Variants in LPP observed in about 807,000 individuals in gnomAD.
LPP encodes LIM domain containing preferred translocation partner in lipoma, also known as lipoma-preferred partner.
LPP carries 38 observed loss-of-function variants against 60.4 expected under a neutral mutation model. That is an observed-to-expected ratio of 0.63 (90% CI 0.49 to 0.83). LPP has a LOEUF of 0.83. LPP is among the 40% of genes least tolerant of loss of function. The pLI is 0.00. For missense variants in LPP, 902 were observed against 783.6 expected, an observed-to-expected ratio of 1.15 and a Z score of -1.80; for synonymous variants, 328 against 290.8, an observed-to-expected ratio of 1.13 and a Z score of -1.30.
intron 3 of LPP, among the ~76,000 whole-genome samples, chr3:188,342,658 G>A (rs1483214258): frequency 6.6e-6 from 1 of 152,048 alleles, no homozygotes; most frequent in Non-Finnish European, 1.5e-5. Flanking sequence ...CTATGACCTC[G>A]AACTGCAACC....
chr3:188,795,396 C>T (rs913751007), intron 9 of LPP, among the ~76,000 whole-genome samples: 4 of 152,176 alleles, frequency 2.6e-5, no homozygotes, highest in African/African-American at 9.7e-5. Flanking sequence ...TTCAGAGACT[C>T]TGTCTTATTC....
chr3:188,874,498 C>G lies in LPP; in HGVS notation c.*19C>G. 2 of 1,611,032 alleles carry G rather than the reference C, an allele frequency of 1.2e-6. No homozygotes were observed. Among genetic ancestry groups the G allele is most frequent in the Non-Finnish European group, 1.7e-6 (2 of 1,177,734 alleles). Reference sequence around the variant, plus strand: ...CCTTTAGATTCAGTCACCTGTTCAGCCGGCACTGAGAAGAACGAACACAAG... The same window carrying G: ...CCTTTAGATTCAGTCACCTGTTCAGGCGGCACTGAGAAGAACGAACACAAG... On this transcript the variant is annotated 3_prime_UTR_variant, in exon 12 of 12. Coordinates refer to ENST00000617246, the MANE Select transcript of LPP (RefSeq NM_001375462.1).
rs1280635569 is a variant in LPP at position 188,866,353 on chromosome 3, A to G, written c.1564A>G (p.Ile522Val). The G allele has an allele frequency of 1.3e-6, 2 of 1,543,644 alleles. No individual in the cohort carries two copies. Among genetic ancestry groups the G allele is most frequent in the African/African-American group, 1.4e-5 (1 of 72,204 alleles). Residue 522 changes from isoleucine (I) to valine (V), a missense_variant, in exon 10 of 12, where the codon ATT (isoleucine) becomes GTT (valine). Coordinates refer to ENST00000617246, the MANE Select transcript of LPP (RefSeq NM_001375462.1). The stretch of plus-strand genomic sequence containing the variant: ...ATTCACTGTGGATGCTGGCGGGCTC[A>G]TTCACTGCATTGAGGACTTCCACAA... ...IPFTVDAGGL[I>V]HCIEDFHKKF...
intron 9 of LPP, among the ~76,000 whole-genome samples, chr3:188,817,663 A>G (rs185070226): frequency 4.2e-4 from 64 of 152,228 alleles, no homozygotes; most frequent in African/African-American, 1.4e-3. Context: ...TGAATTCTTG[A>G]GGGCTGAGGG....
intron 7 of LPP, among the ~76,000 whole-genome samples, chr3:188,705,855 G>A (rs1013292773): frequency 3.9e-5 from 6 of 152,092 alleles, no homozygotes; most frequent in African/African-American, 1.4e-4. Context: ...GGCCTCAAGT[G>A]ATCTGCCAGC....
intron 2 of LPP, among the ~76,000 whole-genome samples, chr3:188,234,462 T>C (rs4381925): frequency 0.7 from 106,385 of 152,052 alleles, 38,510 homozygotes; most frequent in African/African-American, 0.89. Flanking sequence ...TGAAAGCATA[T>C]GAGAGGTATC....
intron 6 of LPP, among the ~76,000 whole-genome samples, chr3:188,551,252 A>G (rs2150522551): frequency 6.6e-6 from 1 of 152,294 alleles, no homozygotes; most frequent in Admixed American, 6.5e-5. Flanking sequence ...ACGATGCAAA[A>G]GCAGAAACCC....
At chr3:188,577,490 T>C (rs533305256) in intron 6 of LPP, among the ~76,000 whole-genome samples, 13 of 151,904 alleles carry the variant, frequency 8.6e-5, no homozygotes, top group Admixed American at 7.9e-4. Flanking sequence ...TCTCTACTTA[T>C]CTTTAAATTT....
intron 3 of LPP, among the ~76,000 whole-genome samples, chr3:188,405,366 C>T (rs138070515): frequency 0.037 from 5,665 of 152,258 alleles, 149 homozygotes; most frequent in Non-Finnish European, 0.061. Context: ...TTAAACTCAA[C>T]TGTGGCTGCT....
chr3:188,408,018 C>T (rs888108303), intron 4 of LPP, among the ~76,000 whole-genome samples: 2 of 152,012 alleles, frequency 1.3e-5, no homozygotes, highest in African/African-American at 4.8e-5. Context: ...GAACTCCTGA[C>T]CTCAGGTGAT....
At chr3:188,413,675 A>G (rs1420793627) in intron 4 of LPP, among the ~76,000 whole-genome samples, 3 of 152,186 alleles carry the variant, frequency 2.0e-5, no homozygotes, top group Non-Finnish European at 4.4e-5. Context: ...TTTACACTGC[A>G]TCTTTCAGCA....
rs1578143638 is a variant in LPP at position 188,889,330 on chromosome 3, G to A, written c.*14851G>A. On this transcript the variant is annotated 3_prime_UTR_variant, in exon 12 of 12. Coordinates refer to ENST00000617246, the MANE Select transcript of LPP (RefSeq NM_001375462.1). ...GAGGTGGCAATAGGAGAGGGTCCAT[G>A]TAAATAGGACGAGGTAGACAGTGCA... The A allele has an allele frequency of 8.6e-6, 2 of 231,944 alleles. No homozygotes were observed. Among genetic ancestry groups the A allele is most frequent in the Non-Finnish European group, 1.7e-5 (2 of 117,170 alleles). 14.4% of individuals were successfully genotyped at this position (231,944 alleles called of 1,614,324 possible).
intron 6 of LPP, among the ~76,000 whole-genome samples, chr3:188,537,332 A>G (rs1823904219): frequency 6.6e-6 from 1 of 151,846 alleles, no homozygotes; most frequent in African/African-American, 2.4e-5. Context: ...ATCGTATCAC[A>G]TGGGCAAAAG....
chr3:188,708,889 GTTTTTGT>G (rs979866992), intron 8 of LPP: 8 of 157,792 alleles, frequency 5.1e-5, no homozygotes, highest in African/African-American at 1.9e-4. Context: ...TTTTGTTTTT[GTTTTTGT>G]TTTTTGTTTT....
chr3:188,372,101 C>A (rs1223228555), intron 3 of LPP, among the ~76,000 whole-genome samples: 1 of 151,648 alleles, frequency 6.6e-6, no homozygotes, highest in Non-Finnish European at 1.5e-5. Context: ...GACAGAGATG[C>A]CTCTCATATA....
chr3:188,547,290 C>T (rs926054026), intron 6 of LPP, among the ~76,000 whole-genome samples: 1 of 152,170 alleles, frequency 6.6e-6, no homozygotes, highest in Admixed American at 6.6e-5. Context: ...CCAGGAATCT[C>T]AGGAAACAAA....
chr3:188,338,220 C>A (rs983050533), intron 2 of LPP, among the ~76,000 whole-genome samples: 9 of 152,120 alleles, frequency 5.9e-5, no homozygotes, highest in African/African-American at 2.2e-4. Context: ...ATGAGACAAC[C>A]AAATCATAAG....
At chr3:188,540,076 T>G (rs764267339) in intron 6 of LPP, among the ~76,000 whole-genome samples, 4 of 152,210 alleles carry the variant, frequency 2.6e-5, no homozygotes, top group Non-Finnish European at 4.4e-5. Flanking sequence ...TTAAAGTTGT[T>G]ACTGACAAGA....
At chr3:188,765,962 C>T (rs1202663874) in intron 9 of LPP, among the ~76,000 whole-genome samples, 2 of 149,216 alleles carry the variant, frequency 1.3e-5, no homozygotes, top group Non-Finnish European at 3.0e-5. Context: ...TCTCCACCTC[C>T]CGGATTCAAG....
Sources: allele counts gnomAD v4.1 joint callset (sites outside exome capture counted in the v4.1 genomes callset), GRCh38; gene constraint gnomAD v4.1.1; transcripts MANE v1.5; gene names NCBI Gene and HGNC (gene_info 2026-07-23, HGNC 2026-07-21).